The following ATP8A2 variants were observed in gnomAD, a reference collection of about 807,000 sequenced individuals.
ATP8A2 encodes the protein ATPase phospholipid transporting 8A2.
A neutral mutation model predicts 165.6 loss-of-function variants in ATP8A2; 100 were observed. The observed-to-expected ratio is 0.60, with a 90% CI of 0.51 to 0.71. ATP8A2 has a LOEUF of 0.71. ATP8A2 is among the 30% of genes least tolerant of loss of function. The pLI is 0.00. For missense variants in ATP8A2, 1,227 were observed against 1,479.5 expected, an observed-to-expected ratio of 0.83 and a Z score of 2.80; for synonymous variants, 543 against 548.8, an observed-to-expected ratio of 0.99 and a Z score of 0.15.
rs74788931 is a variant in ATP8A2 at position 25,477,061 on chromosome 13, C to G, written c.221+7940C>G. Among the ~76,000 whole-genome samples the G allele has an allele frequency of 8.1e-3, 1,237 of 152,240 alleles. 15 individuals carry two copies. Among genetic ancestry groups the G allele is most frequent in the African/African-American group, 0.029 (1,191 of 41,534 alleles). ...TTTTAGAAACAGAAAAGCCTGTCAG[C>G]ATTGGGCCAGTTTTATATTTGGTGT... On this transcript the variant is annotated intron_variant, in intron 2 of 36. Coordinates refer to ENST00000381655, the MANE Select transcript of ATP8A2 (RefSeq NM_016529.6).
intron 1 of ATP8A2, among the ~76,000 whole-genome samples, chr13:25,413,889 C>T (rs1316665807): frequency 6.6e-6 from 1 of 152,034 alleles, no homozygotes; most frequent in Non-Finnish European, 1.5e-5. Flanking sequence ...TCTTTGATGA[C>T]TGATGAGGTT....
Position 25,677,115 on chromosome 13 carries a change from A to G in ATP8A2, c.2212-22058A>G, listed in dbSNP as rs1215780706. 3.9e-5 allele frequency among the ~76,000 whole-genome samples: 6 copies of G among 152,158 alleles called. No individual in the cohort carries two copies. In the East Asian group the frequency reaches 1.2e-3, roughly 29 times the overall value. On this transcript the variant is annotated intron_variant, in intron 24 of 36. Coordinates refer to ENST00000381655, the MANE Select transcript of ATP8A2 (RefSeq NM_016529.6). Reference sequence around the variant, plus strand: ...CTACTGCAGCAGACTCACCTTTTAAAAACTCTTCTATTGTGGCATCAGCTT... The same window carrying G: ...CTACTGCAGCAGACTCACCTTTTAAGAACTCTTCTATTGTGGCATCAGCTT...
intron 25 of ATP8A2, among the ~76,000 whole-genome samples, chr13:25,714,340 A>T (rs59047017): frequency 0.12 from 18,804 of 151,486 alleles, 1,324 homozygotes; most frequent in East Asian, 0.26. Flanking sequence ...CACATGGCAA[A>T]CTCACCTGAT....
intron 16 of ATP8A2, among the ~76,000 whole-genome samples, chr13:25,567,745 T>C (rs924035545): frequency 1.3e-5 from 2 of 152,238 alleles, no homozygotes; most frequent in African/African-American, 2.4e-5. Context: ...TCTTAGCTAC[T>C]ATGTTAACTA....
chr13:25,716,682 A>G (rs1200421677), intron 25 of ATP8A2, among the ~76,000 whole-genome samples: 6 of 152,180 alleles, frequency 3.9e-5, no homozygotes, highest in Admixed American at 1.3e-4. Flanking sequence ...AAGTGGGGAG[A>G]TCAATTTGAA....
At chr13:25,465,900 C>T (rs1450961739) in intron 1 of ATP8A2, among the ~76,000 whole-genome samples, 1 of 151,266 alleles carries the variant, frequency 6.6e-6, no homozygotes, top group African/African-American at 2.4e-5. Flanking sequence ...GTTGGGATTA[C>T]AGGCATGAGC....
intron 36 of ATP8A2, 22 bp from the exon 37 acceptor site, chr13:26,019,866 C>T: frequency 6.4e-7 from 1 of 1,574,242 alleles, no homozygotes. Context: ...TAACCAGTTT[C>T]TCCTGTGTGC....
At chr13:25,743,956 T>A (rs969481978) in intron 25 of ATP8A2, among the ~76,000 whole-genome samples, 3 of 152,230 alleles carry the variant, frequency 2.0e-5, no homozygotes, top group African/African-American at 7.2e-5. Flanking sequence ...TGTTGTAGGA[T>A]GTCAGTTAAT....
intron 33 of ATP8A2, among the ~76,000 whole-genome samples, chr13:25,932,311 C>T (rs1014176599): frequency 1.3e-5 from 2 of 152,166 alleles, no homozygotes; most frequent in Admixed American, 6.5e-5. Flanking sequence ...AGAAGAAACG[C>T]CAGGGAGCAT....
intron 27 of ATP8A2, among the ~76,000 whole-genome samples, chr13:25,798,248 T>A (rs1950536477): frequency 6.6e-6 from 1 of 152,242 alleles, no homozygotes; most frequent in South Asian, 2.1e-4. Flanking sequence ...TAGTTATTCT[T>A]CTGTGAAGAC....
rs1415542950 is a variant in ATP8A2, at chr13:26,023,083, G to A, written c.*3098G>A. On this transcript the variant is annotated 3_prime_UTR_variant, in exon 37 of 37. Coordinates refer to ENST00000381655, the MANE Select transcript of ATP8A2 (RefSeq NM_016529.6). ...GCTGTGGAAAACACGTATCAGGAGA[G>A]CAGAGTAGTCTGGATGAATACTCTG... 1 of 152,256 alleles carries A rather than the reference G, an allele frequency of 6.6e-6. No homozygotes were observed. The highest frequency in any genetic ancestry group is 1.9e-4 in the East Asian group (1 of 5,204). 9.4% of individuals were successfully genotyped at this position (152,256 alleles called of 1,614,324 possible).
At position 25,774,917 on chromosome 13, in the gene ATP8A2, C is replaced by T. The variant is rs758624095; in HGVS notation, c.2637C>T (p.Ile879=). ...AWSYNRVTKC[I]LYCFYKNVVL... ...GCTACAACCGGGTGACCAAGTGCATCTTGTACTGCTTCTATAAGAACGTGG... is the reference window on the plus strand; with the variant it reads ...GCTACAACCGGGTGACCAAGTGCATTTTGTACTGCTTCTATAAGAACGTGG... Residue 879 remains isoleucine (I), a synonymous_variant, in exon 27 of 37, where the codon ATC becomes ATT. Transcript: ENST00000381655. The T allele has an allele frequency of 4.3e-6, 7 of 1,613,158 alleles. No homozygotes were observed. The highest frequency in any genetic ancestry group is 3.3e-5 in the Admixed American group (2 of 59,998).
intron 35 of ATP8A2, among the ~76,000 whole-genome samples, chr13:26,003,346 T>C (rs1956673921): frequency 1.3e-5 from 1 of 76,028 alleles, no homozygotes; most frequent in Admixed American, 1.7e-4. Flanking sequence ...GAAATGTCTA[T>C]TCAGGTCCTT....
chr13:25,964,025 C>G (rs1292617279), intron 34 of ATP8A2, among the ~76,000 whole-genome samples: 1 of 152,224 alleles, frequency 6.6e-6, no homozygotes, highest in African/African-American at 2.4e-5. Context: ...GTGGAGGTGC[C>G]CGCAGGGCAA....
At chr13:25,950,999 AG>A (rs1207067653) in intron 33 of ATP8A2, among the ~76,000 whole-genome samples, 1 of 152,196 alleles carries the variant, frequency 6.6e-6, no homozygotes, top group African/African-American at 2.4e-5. Context: ...AGTGCTGCTG[AG>A]GATGTGGAGC....
intron 1 of ATP8A2, among the ~76,000 whole-genome samples, chr13:25,439,404 C>A (rs926179888): frequency 6.6e-6 from 1 of 152,178 alleles, no homozygotes; most frequent in African/African-American, 2.4e-5. Flanking sequence ...GGGCTCCAGA[C>A]TCTATTAGGG....
intron 30 of ATP8A2, among the ~76,000 whole-genome samples, chr13:25,844,563 A>G (rs535899185): frequency 1.3e-5 from 2 of 152,114 alleles, no homozygotes; most frequent in Admixed American, 6.6e-5. Context: ...AGGAGAATGT[A>G]TATCCTCCCC....
At chr13:25,737,656 G>T (rs147886508) in intron 25 of ATP8A2, among the ~76,000 whole-genome samples, 1 of 151,818 alleles carries the variant, frequency 6.6e-6, no homozygotes, top group Non-Finnish European at 1.5e-5. Context: ...ATGCCACCAC[G>T]CCTGGCTTTT....
intron 24 of ATP8A2, among the ~76,000 whole-genome samples, chr13:25,647,449 T>G (rs1411751433): frequency 5.9e-5 from 9 of 152,232 alleles, no homozygotes; most frequent in Non-Finnish European, 7.3e-5. Flanking sequence ...TTTCTGCTAA[T>G]AAATTTGCCA....
Sources: allele counts gnomAD v4.1 joint callset (sites outside exome capture counted in the v4.1 genomes callset), GRCh38; gene constraint gnomAD v4.1.1; transcripts MANE v1.5; gene names NCBI Gene and HGNC (gene_info 2026-07-23, HGNC 2026-07-21).